WIF1: variants seen among roughly 807,000 people sequenced by gnomAD.
The protein encoded by WIF1 is Wnt inhibitory factor 1.
A neutral mutation model predicts 53.5 loss-of-function variants in WIF1; 35 were observed. The ratio of observed to expected loss-of-function variants is 0.65; its 90% CI spans 0.50 to 0.87. The LOEUF (loss-of-function observed/expected upper bound fraction) is 0.87, where lower values mean the gene tolerates loss of function less well. WIF1 is among the 40% of genes least tolerant of loss of function. WIF1 has a pLI of 0.00. For missense variants in WIF1, 467 were observed against 476.8 expected, an observed-to-expected ratio of 0.98 and a Z score of 0.19; for synonymous variants, 171 against 170.4, an observed-to-expected ratio of 1.00 and a Z score of -0.03.
intron 6 of WIF1, 36 bp from the exon 7 acceptor site, chr12:65,062,612 A>C (rs1297435558): frequency 1.3e-6 from 2 of 1,557,664 alleles, no homozygotes; most frequent in Non-Finnish European, 1.8e-6. Context: ...TGCATTAGAC[A>C]GTAGGTTAAA....
At chr12:65,111,865 C>T (rs1399090829) in intron 2 of WIF1, among the ~76,000 whole-genome samples, 2 of 152,160 alleles carry the variant, frequency 1.3e-5, no homozygotes, top group Non-Finnish European at 2.9e-5. Flanking sequence ...TTGTCCCAGG[C>T]CTACAACACA....
At chr12:65,069,458 T>C (rs1472304140) in intron 3 of WIF1, among the ~76,000 whole-genome samples, 1 of 152,208 alleles carries the variant, frequency 6.6e-6, no homozygotes, top group Non-Finnish European at 1.5e-5. Context: ...AATATCTTCT[T>C]TGAAAATATT....
At chr12:65,113,527 C>T (rs1883463554) in intron 2 of WIF1, among the ~76,000 whole-genome samples, 1 of 151,954 alleles carries the variant, frequency 6.6e-6, no homozygotes, top group African/African-American at 2.4e-5. Context: ...TACATTTATG[C>T]CATGTAAATT....
intron 3 of WIF1, among the ~76,000 whole-genome samples, chr12:65,074,831 A>AAAG (rs1882834965): frequency 7.0e-6 from 1 of 142,340 alleles, no homozygotes; most frequent in South Asian, 2.2e-4. Context: ...AAAAAAAAAA[A>AAAG]AAAAAAAGAA....
chr12:65,066,081 C>T (rs1882682403), intron 6 of WIF1, among the ~76,000 whole-genome samples: 1 of 152,074 alleles, frequency 6.6e-6, no homozygotes, highest in African/African-American at 2.4e-5. Context: ...TTCCATGTGG[C>T]AAGACCAGCT....
intron 3 of WIF1, among the ~76,000 whole-genome samples, chr12:65,071,092 G>A (rs982238327): frequency 6.6e-6 from 1 of 151,652 alleles, no homozygotes; most frequent in Non-Finnish European, 1.5e-5. Flanking sequence ...AAAATTAGCC[G>A]GTGTGTTGGC....
At chr12:65,118,140 G>T (rs999973118) in intron 2 of WIF1, among the ~76,000 whole-genome samples, 6 of 152,174 alleles carry the variant, frequency 3.9e-5, no homozygotes, top group Non-Finnish European at 8.8e-5. Context: ...TCATTAATGA[G>T]CTATGTGTTT....
At chr12:65,119,648 A>C (rs1382927626) in intron 2 of WIF1, among the ~76,000 whole-genome samples, 3 of 152,204 alleles carry the variant, frequency 2.0e-5, no homozygotes, top group African/African-American at 7.2e-5. Context: ...TAAGCTGAAG[A>C]ATGCATTGCT....
intron 6 of WIF1, among the ~76,000 whole-genome samples, chr12:65,065,417 T>G (rs1006151607): frequency 6.6e-6 from 1 of 152,158 alleles, no homozygotes; most frequent in Non-Finnish European, 1.5e-5. Flanking sequence ...TCACTTTGCT[T>G]ATCTAGGAAT....
rs560581120 is a variant in WIF1 at position 65,121,129 on chromosome 12, C to G, written c.63G>C (p.Leu21=). The change falls in exon 1 of 10, where the codon CTG becomes CTC. Residue 21 remains leucine, a synonymous_variant. Transcript: ENST00000286574. Reference sequence around the variant, plus strand: ...GCCCGGCCTCCGCCCGCAGTGCCAGCAGGCACAGGAGGATGCTCCAGAGCC... The same window carrying G: ...GCCCGGCCTCCGCCCGCAGTGCCAGGAGGCACAGGAGGATGCTCCAGAGCC... ...ALWLWSILLC[L]LALRAEAGPP... 1.3e-6 allele frequency: 2 copies of G among 1,549,566 alleles called. No individual in the cohort carries two copies. Among genetic ancestry groups the G allele is most frequent in the Non-Finnish European group, 1.7e-6 (2 of 1,146,198 alleles).
rs554157992 is a variant in WIF1, at chr12:65,118,111, A to T, written c.288+2306T>A. On this transcript the variant is annotated intron_variant, in intron 2 of 9. Coordinates refer to ENST00000286574, the MANE Select transcript of WIF1 (RefSeq NM_007191.5). ...TTGTCCACATGTTGCTAAAACACTT[A>T]AATATAAAATTTAAAACTTCATTAA... 3.3e-5 allele frequency among the ~76,000 whole-genome samples: 5 copies of T among 152,358 alleles called. No homozygotes were observed. The South Asian group carries it at 8.3e-4, about 25-fold the overall frequency.
chr12:65,115,827 TG>T (rs1883500417), intron 2 of WIF1, among the ~76,000 whole-genome samples: 1 of 152,118 alleles, frequency 6.6e-6, no homozygotes, highest in African/African-American at 2.4e-5. Context: ...AAGAAAGATT[TG>T]GGGGGACCTC....
chr12:65,097,961 A>G (rs1029075983), intron 2 of WIF1, among the ~76,000 whole-genome samples: 3 of 152,190 alleles, frequency 2.0e-5, no homozygotes, highest in Non-Finnish European at 4.4e-5. Flanking sequence ...AGGAATTGTA[A>G]TTCTAGGATT....
chr12:65,075,289 G>A (rs553091292), intron 3 of WIF1, among the ~76,000 whole-genome samples: 21 of 152,266 alleles, frequency 1.4e-4, no homozygotes, highest in Non-Finnish European at 2.2e-4. Flanking sequence ...GTAGATAACC[G>A]TAATCTGAAA....
intron 2 of WIF1, among the ~76,000 whole-genome samples, chr12:65,091,491 C>T (rs1205842652): frequency 6.6e-6 from 1 of 151,608 alleles, no homozygotes. Flanking sequence ...TTTGCCTGAA[C>T]TTAGCTAATA....
At chr12:65,087,966 A>G (rs1470168337) in intron 2 of WIF1, among the ~76,000 whole-genome samples, 1 of 152,194 alleles carries the variant, frequency 6.6e-6, no homozygotes, top group Non-Finnish European at 1.5e-5. Flanking sequence ...TAAAAGATAT[A>G]ACATACTTTG....
chr12:65,116,070 A>T (rs1430033336), intron 2 of WIF1, among the ~76,000 whole-genome samples: 3 of 152,262 alleles, frequency 2.0e-5, no homozygotes, highest in Non-Finnish European at 4.4e-5. Flanking sequence ...AATTCATTGT[A>T]GAAAAACCAA....
At position 65,120,546 on chromosome 12, in the gene WIF1, T is replaced by G. The variant is rs777378851; in HGVS notation, c.159A>C (p.Glu53Asp). 3 of 1,608,752 alleles carry G rather than the reference T, an allele frequency of 1.9e-6. No individual in the cohort carries two copies. The highest frequency in any genetic ancestry group is 2.5e-6 in the Non-Finnish European group (3 of 1,178,756). Residue 53 changes from glutamate to aspartate, a missense_variant, in exon 2 of 10, where the codon GAA becomes GAC. Transcript: ENST00000286574. ...TCCCCTCTGAAACAATCAGGATATC[T>G]TCTTCAAATCCTGGTTTTTAAAATA... ...HQARVLIGFE[E>D]DILIVSEGKM...
At position 65,077,767 on chromosome 12, in the gene WIF1, T is replaced by C; in HGVS notation, c.376A>G (p.Thr126Ala). ...CCACCTGATGCCTTGTGAGGCACTG[T>C]TCCCAGCAGAGGGACATTGACGGTT... ...DPTVNVPLLG[T>A]VPHKASVVQV... Residue 126 changes from threonine (T) to alanine (A), a missense_variant, in exon 3 of 10, where the codon ACA (threonine) becomes GCA (alanine). By Grantham distance (58) the Thr-to-Ala change is moderately conservative. Coordinates refer to ENST00000286574, the MANE Select transcript of WIF1 (RefSeq NM_007191.5). 6.2e-7 allele frequency: 1 copy of C among 1,613,752 alleles called. No homozygotes were observed. The highest frequency in any genetic ancestry group is 8.5e-7 in the Non-Finnish European group (1 of 1,179,740).
Sources: allele counts gnomAD v4.1 joint callset (sites outside exome capture counted in the v4.1 genomes callset), GRCh38; gene constraint gnomAD v4.1.1; transcripts MANE v1.5; gene names NCBI Gene and HGNC (gene_info 2026-07-23, HGNC 2026-07-21).